The following PCDHGB1 variants were observed in gnomAD, a reference collection of about 807,000 sequenced individuals.
PCDHGB1 encodes the protein protocadherin gamma subfamily B, 1, also known as protocadherin gamma-B1.
Under a neutral mutation model 56.6 loss-of-function variants are expected in PCDHGB1, and 34 were observed. The ratio of observed to expected loss-of-function variants is 0.60; its 90% CI spans 0.46 to 0.80. The LOEUF is 0.80. Among genes scored for constraint, PCDHGB1 ranks in the 30% least tolerant of loss-of-function variants. The pLI is 0.00. For synonymous variants in PCDHGB1, 561 were observed against 505.9 expected (o/e 1.11, Z -1.46); for missense variants, 1,278 against 1,204.6 (o/e 1.06, Z -0.90).
intron 1 of PCDHGB1, chr5:141,427,741 C>T (rs748636652): frequency 8.1e-7 from 1 of 1,240,376 alleles, no homozygotes; most frequent in Non-Finnish European, 1.2e-6. Context: ...GGCCAAGTCT[C>T]CTACTCCATC....
intron 1 of PCDHGB1, chr5:141,426,796 T>C (rs1053668481): frequency 8.8e-6 from 4 of 456,720 alleles, no homozygotes. Context: ...AGTTACCAGC[T>C]CAGTTCTAAT....
At position 141,390,587 on chromosome 5, in the gene PCDHGB1, A is replaced by G. The variant is rs1043489470; in HGVS notation, c.2409+37918A>G. The G allele has an allele frequency of 4.1e-5, 14 of 340,484 alleles. No homozygotes were observed. The Admixed American group carries it at 6.3e-4, about 15-fold the overall frequency. The allele number at this position is 340,484 out of a possible 1,614,324, so 21.1% of individuals were successfully genotyped here. A position where few individuals can be genotyped will look rare whatever the true frequency, so the allele number is the denominator to read the frequency against. Reference sequence around the variant, plus strand: ...TTGGCTCTCTCCTAAAAAGTGAATGAGATTTTTCCTATACATTTTCCTTCT... The same window carrying G: ...TTGGCTCTCTCCTAAAAAGTGAATGGGATTTTTCCTATACATTTTCCTTCT... On this transcript the variant is annotated intron_variant, in intron 1 of 3. Transcript: ENST00000523390.
intron 1 of PCDHGB1, among the ~76,000 whole-genome samples, chr5:141,368,324 T>C (rs1238974511): frequency 6.6e-6 from 1 of 152,186 alleles, no homozygotes; most frequent in East Asian, 1.9e-4. Context: ...CATTCAAGTA[T>C]ATCTATATCT....
chr5:141,439,669 A>T (rs983024479), intron 1 of PCDHGB1, among the ~76,000 whole-genome samples: 4 of 152,174 alleles, frequency 2.6e-5, no homozygotes, highest in Non-Finnish European at 5.9e-5. Context: ...ATGGAATGCA[A>T]ATCCAAGAGC....
At chr5:141,425,381 A>C (rs1374877185) in intron 1 of PCDHGB1, among the ~76,000 whole-genome samples, 3 of 152,194 alleles carry the variant, frequency 2.0e-5, no homozygotes, top group African/African-American at 7.2e-5. Flanking sequence ...GTTGATTCGG[A>C]GGTAGTGATA....
rs779065098 is a variant in PCDHGB1, at chr5:141,491,758, C to G, written c.2410-3049C>G. The G allele has an allele frequency of 1.9e-6, 3 of 1,578,788 alleles. No individual in the cohort carries two copies. The highest frequency in any genetic ancestry group is 1.7e-4 in the Middle Eastern group (1 of 5,954). ...TGGGGGCGGCACTGGAGAAGCCGCCCGTCCTCATAAGGGATTGAACTTGCA... is the reference window on the plus strand; with the variant it reads ...TGGGGGCGGCACTGGAGAAGCCGCCGGTCCTCATAAGGGATTGAACTTGCA... On this transcript the variant is annotated intron_variant, in intron 1 of 3. Transcript: ENST00000523390. This position sits in a 1 kb window ranked among gnomAD's most constrained non-coding sequence, Gnocchi z 6.9.
chr5:141,409,178 G>C, intron 1 of PCDHGB1: 1 of 1,613,994 alleles, frequency 6.2e-7, no homozygotes, highest in Non-Finnish European at 8.5e-7. Context: ...GGACGGAGGT[G>C]GTCTCTCTAC....
intron 1 of PCDHGB1, chr5:141,422,609 A>G: frequency 6.2e-7 from 1 of 1,613,882 alleles, no homozygotes; most frequent in Non-Finnish European, 8.5e-7. Context: ...TACTCTGCCT[A>G]CATTCCCGAA....
intron 2 of PCDHGB1, among the ~76,000 whole-genome samples, chr5:141,499,326 C>T (rs1465474737): frequency 6.6e-6 from 1 of 152,156 alleles, no homozygotes. Context: ...TATCCCTGCT[C>T]TCTCTCAGTT....
chr5:141,430,639 A>T, intron 1 of PCDHGB1: 1 of 900,712 alleles, frequency 1.1e-6, no homozygotes. Flanking sequence ...CATCCCTGGG[A>T]GTATGTGGAA....
At chr5:141,378,359 C>G (rs1254608030) in intron 1 of PCDHGB1, 1 of 152,222 alleles carries the variant, frequency 6.6e-6, no homozygotes, top group Non-Finnish European at 1.5e-5. Context: ...CCCGTCTCTA[C>G]TAAAAATACA....
In PCDHGB1 at chr5:141,414,483, A is replaced by G. The variant is rs756254490; in HGVS notation, c.2409+61814A>G. 20 of 1,613,826 alleles carry G rather than the reference A, an allele frequency of 1.2e-5. No homozygotes were observed. In the Admixed American group the frequency reaches 1.8e-4, roughly 15 times the overall value. ...CCACAGATGGGGGAAGTCCTCCTCT[A>G]TCAACGGAAGCTCACTTTATGCTAC... On this transcript the variant is annotated intron_variant, in intron 1 of 3. Transcript: ENST00000523390.
In PCDHGB1 at chr5:141,512,859, CAT is replaced by C. The variant is rs1474518602; in HGVS notation, c.*1688_*1689del. 6.6e-6 allele frequency: 1 copy of C among 152,296 alleles called. No homozygotes were observed. The highest frequency in any genetic ancestry group is 1.9e-4 in the East Asian group (1 of 5,200). The allele number at this position is 152,296 out of a possible 1,614,324, so 9.4% of individuals were successfully genotyped here. A position where few individuals can be genotyped will look rare whatever the true frequency, so the allele number is the denominator to read the frequency against. On this transcript the variant is annotated 3_prime_UTR_variant, in exon 4 of 4. Transcript: ENST00000523390. ...CTTCTCCTATAAGCGCTTCTCTTCG[CAT>C]AGTCACGTAGCTCCCACCCCACCCT... is the stretch of plus-strand genomic sequence containing the variant.
At chr5:141,393,299 G>T (rs768038476) in intron 1 of PCDHGB1, 8 of 1,613,780 alleles carry the variant, frequency 5.0e-6, no homozygotes, top group Middle Eastern at 1.6e-4. Context: ...ACCCGGATGT[G>T]GGCGTGAACT....
At position 141,415,393 on chromosome 5, in the gene PCDHGB1, T is replaced by C. The variant is rs574028530; in HGVS notation, c.2409+62724T>C. On this transcript the variant is annotated intron_variant, in intron 1 of 3. Transcript: ENST00000523390. ...TTCAGGAGGCGGCTTGACAGGTGTG[T>C]CCGGCTCGCACTTTGTGGGCGTGGA... 1.1e-5 allele frequency: 17 copies of C among 1,614,190 alleles called. No individual in the cohort carries two copies. In the East Asian group the frequency reaches 2.5e-4, roughly 23 times the overall value.
At chr5:141,418,630 A>G in intron 1 of PCDHGB1, 1 of 1,614,046 alleles carries the variant, frequency 6.2e-7, no homozygotes, top group Non-Finnish European at 8.5e-7. Context: ...ACGTGCCTCC[A>G]GGCACCTCCA....
chr5:141,448,894 G>A (rs2098614669), intron 1 of PCDHGB1, among the ~76,000 whole-genome samples: 2 of 152,098 alleles, frequency 1.3e-5, no homozygotes, highest in South Asian at 4.1e-4. Context: ...GCAGTGAGCC[G>A]AGATCGTGCC....
At position 141,409,164 on chromosome 5, in the gene PCDHGB1, C is replaced by T. The variant is rs115772303; in HGVS notation, c.2409+56495C>T. ...GAAAGGTACACCATGGAAGTGGAAG[C>T]GAAGGACGGAGGTGGTCTCTCTACC... On this transcript the variant is annotated intron_variant, in intron 1 of 3. Transcript: ENST00000523390. 2.0e-3 allele frequency: 3,227 copies of T among 1,613,908 alleles called. 51 individuals are homozygous for T. In the African/African-American group the frequency reaches 0.029, roughly 14 times the overall value.
At position 141,409,702 on chromosome 5, in the gene PCDHGB1, G is replaced by T. The variant is rs545411022; in HGVS notation, c.2409+57033G>T. The T allele has an allele frequency of 1.9e-6, 3 of 1,613,226 alleles. No individual in the cohort carries two copies. The East Asian group carries it at 6.7e-5, about 36-fold the overall frequency. ...TGGCGAGTGACCTAGAGCCCCTGGC[G>T]GTGTCGTCATACGTGTCAGTGAGCG... On this transcript the variant is annotated intron_variant, in intron 1 of 3. Coordinates refer to ENST00000523390, the MANE Select transcript of PCDHGB1 (RefSeq NM_018922.3).
Sources: allele counts gnomAD v4.1 joint callset (sites outside exome capture counted in the v4.1 genomes callset), GRCh38; gene constraint gnomAD v4.1.1; non-coding constraint Gnocchi (gnomAD v3.1); transcripts MANE v1.5; gene names NCBI Gene and HGNC (gene_info 2026-07-23, HGNC 2026-07-21).